MNAT1: variants seen among roughly 807,000 people sequenced by gnomAD.
MNAT1 encodes CDK-activating kinase assembly factor MAT1.
MNAT1 carries 43 observed loss-of-function variants against 42.0 expected under a neutral mutation model. The observed-to-expected ratio is 1.02, with a 90% CI of 0.80 to 1.32. The LOEUF is 1.32. MNAT1 is among the 40% of genes most tolerant of loss of function. The probability of loss-of-function intolerance (pLI) is 0.00; values close to 1 mark genes in which losing one functional copy is unlikely to be tolerated. For missense variants in MNAT1, 306 were observed against 350.4 expected (o/e 0.87, Z 1.01); for synonymous variants, 118 against 120.0 (o/e 0.98, Z 0.11).
At chr14:60,936,870 C>A (rs1367039902) in intron 7 of MNAT1, among the ~76,000 whole-genome samples, 1 of 152,170 alleles carries the variant, frequency 6.6e-6, no homozygotes, top group East Asian at 1.9e-4. Context: ...TATTTCTCCA[C>A]ATCCTCTCCA....
intron 7 of MNAT1, among the ~76,000 whole-genome samples, chr14:60,950,223 T>C (rs919840609): frequency 6.6e-6 from 1 of 152,186 alleles, no homozygotes; most frequent in Non-Finnish European, 1.5e-5. Flanking sequence ...CCTGTTTGAA[T>C]TTTTTGTTTT....
At chr14:60,945,778 G>A (rs1418187469) in intron 7 of MNAT1, among the ~76,000 whole-genome samples, 1 of 152,084 alleles carries the variant, frequency 6.6e-6, no homozygotes, top group Non-Finnish European at 1.5e-5. Context: ...CAACAGATTG[G>A]TGCCATTCAG....
At chr14:60,804,377 C>A (rs891828988) in intron 3 of MNAT1, among the ~76,000 whole-genome samples, 2 of 152,026 alleles carry the variant, frequency 1.3e-5, no homozygotes, top group African/African-American at 2.4e-5. Context: ...TTTTATGGTT[C>A]TTTTCTTACT....
intron 6 of MNAT1, among the ~76,000 whole-genome samples, chr14:60,860,683 G>C (rs964752397): frequency 6.6e-6 from 1 of 151,986 alleles, no homozygotes; most frequent in Non-Finnish European, 1.5e-5. Flanking sequence ...TTTTGCTCAA[G>C]GTAGAGCTAG....
intron 7 of MNAT1, among the ~76,000 whole-genome samples, chr14:60,891,892 T>C (rs2034853187): frequency 6.6e-6 from 1 of 152,048 alleles, no homozygotes; most frequent in Admixed American, 6.6e-5. Flanking sequence ...TTCCTTGCGA[T>C]TTTTTTTGAA....
intron 7 of MNAT1, among the ~76,000 whole-genome samples, chr14:60,918,969 G>A (rs756178148): frequency 3.4e-4 from 52 of 151,916 alleles, no homozygotes; most frequent in Non-Finnish European, 5.6e-4. Context: ...TACATGTTAG[G>A]TGAAACTAAC....
At chr14:60,745,509 C>A (rs1389766409) in intron 1 of MNAT1, among the ~76,000 whole-genome samples, 1 of 152,098 alleles carries the variant, frequency 6.6e-6, no homozygotes, top group Non-Finnish European at 1.5e-5. Context: ...CTTTGCCTCC[C>A]GGGTTCAAGC....
intron 4 of MNAT1, among the ~76,000 whole-genome samples, chr14:60,809,354 A>T (rs1293627829): frequency 6.6e-6 from 1 of 152,124 alleles, no homozygotes; most frequent in Non-Finnish European, 1.5e-5. Flanking sequence ...ACTCTCAATG[A>T]ATTGATACTA....
chr14:60,769,886 A>G (rs891570223), intron 1 of MNAT1, among the ~76,000 whole-genome samples: 1 of 152,106 alleles, frequency 6.6e-6, no homozygotes, highest in Non-Finnish European at 1.5e-5. Flanking sequence ...GCTAGTCTTG[A>G]ACTCCTGAGG....
intron 1 of MNAT1, among the ~76,000 whole-genome samples, chr14:60,746,083 T>G (rs568988985): frequency 1.1e-4 from 16 of 152,292 alleles, no homozygotes; most frequent in Middle Eastern, 3.4e-3. Context: ...AAATCTCAAG[T>G]TAGAAAATCT....
At chr14:60,743,311 C>CG (rs1285105141) in intron 1 of MNAT1, among the ~76,000 whole-genome samples, 3 of 149,618 alleles carry the variant, frequency 2.0e-5, no homozygotes, top group Non-Finnish European at 4.4e-5. Context: ...TTTTTTGAGA[C>CG]GGAGTCTTGC....
chr14:60,816,312 T>G (rs1186410484), intron 5 of MNAT1, among the ~76,000 whole-genome samples: 1 of 93,924 alleles, frequency 1.1e-5, no homozygotes, highest in Non-Finnish European at 2.2e-5. Flanking sequence ...ATCCTAACTG[T>G]AAATTCAATT....
chr14:60,904,027 A>G (rs923195642), intron 7 of MNAT1, among the ~76,000 whole-genome samples: 6 of 152,054 alleles, frequency 3.9e-5, no homozygotes, highest in African/African-American at 1.4e-4. Flanking sequence ...ACCCGCCACC[A>G]CATCTGACTG....
intron 7 of MNAT1, among the ~76,000 whole-genome samples, chr14:60,960,275 G>A (rs1335363941): frequency 6.6e-6 from 1 of 152,080 alleles, no homozygotes; most frequent in Non-Finnish European, 1.5e-5. Flanking sequence ...TGAGGTATTG[G>A]GGATAGCAGG....
chr14:60,854,294 A>G (rs528185588), intron 6 of MNAT1, among the ~76,000 whole-genome samples: 4 of 152,258 alleles, frequency 2.6e-5, no homozygotes, highest in Non-Finnish European at 2.9e-5. Flanking sequence ...TCTGAAGCCT[A>G]CTTCTGTCAG....
At chr14:60,851,132 A>G (rs1439601419) in intron 6 of MNAT1, among the ~76,000 whole-genome samples, 4 of 152,244 alleles carry the variant, frequency 2.6e-5, no homozygotes, top group Admixed American at 2.6e-4. Context: ...TGGTCTGGTC[A>G]TCAAGTAGAA....
intron 1 of MNAT1, among the ~76,000 whole-genome samples, chr14:60,795,274 C>T (rs72722257): frequency 0.027 from 4,090 of 152,258 alleles, 77 homozygotes; most frequent in Non-Finnish European, 0.042. Context: ...ACTGCTCTCT[C>T]CTCCCATCCA....
At chr14:60,763,605 T>C (rs1455736426) in intron 1 of MNAT1, among the ~76,000 whole-genome samples, 2 of 152,196 alleles carry the variant, frequency 1.3e-5, no homozygotes, top group Non-Finnish European at 2.9e-5. Flanking sequence ...AGTTTATGAA[T>C]GTGCTGTGTG....
chr14:60,904,876 T>A (rs767792416), intron 7 of MNAT1, among the ~76,000 whole-genome samples: 2 of 151,890 alleles, frequency 1.3e-5, no homozygotes, highest in Non-Finnish European at 2.9e-5. Flanking sequence ...TAGAATTCAG[T>A]AGATCCCGTG....
Sources: allele counts gnomAD v4.1 joint callset (sites outside exome capture counted in the v4.1 genomes callset), GRCh38; gene constraint gnomAD v4.1.1; transcripts MANE v1.5; gene names NCBI Gene and HGNC (gene_info 2026-07-23, HGNC 2026-07-21).